Variants in TRPC7 observed in about 807,000 individuals in gnomAD.
TRPC7 encodes transient receptor potential cation channel subfamily C member 7.
In TRPC7, 42 loss-of-function variants were observed where a neutral mutation model predicts 90.1. That is an observed-to-expected ratio of 0.47 (90% confidence interval 0.36 to 0.60). TRPC7 has a LOEUF of 0.60. Ranked by LOEUF, TRPC7 falls within the 20% of genes least tolerant of loss-of-function variation. TRPC7 has a pLI of 0.00. For missense variants in TRPC7, 955 were observed against 1,112.3 expected, an observed-to-expected ratio of 0.86 and a Z score of 2.01; for synonymous variants, 451 against 436.3, an observed-to-expected ratio of 1.03 and a Z score of -0.42.
chr5:136,356,974 C>A lies in TRPC7; in HGVS notation c.414G>T (p.Thr138=), dbSNP rs753450293. 6.2e-7 allele frequency: 1 copy of A among 1,612,248 alleles called. No individual in the cohort carries two copies. Among genetic ancestry groups the A allele is most frequent in the Non-Finnish European group, 8.5e-7 (1 of 1,179,614 alleles). The change falls in exon 2 of 12, where the codon ACG becomes ACT. Residue 138 remains threonine, a synonymous_variant. Coordinates refer to ENST00000513104, the MANE Select transcript of TRPC7 (RefSeq NM_020389.3). ...HPAFAQGQRL[T]LSPLEQELRD... ...GCAGCTCCTGTTCCAGCGGGCTGAGCGTCAGGCGCTGGCCCTGCGCGAAGG... is the reference window on the plus strand; with the variant it reads ...GCAGCTCCTGTTCCAGCGGGCTGAGAGTCAGGCGCTGGCCCTGCGCGAAGG...
intron 3 of TRPC7, among the ~76,000 whole-genome samples, chr5:136,289,594 G>C (rs1757858916): frequency 6.6e-6 from 1 of 152,248 alleles, no homozygotes; most frequent in African/African-American, 2.4e-5. Flanking sequence ...TGAGGCTGGG[G>C]GAGGGGCGCC....
At chr5:136,352,649 C>G (rs1051344285) in intron 2 of TRPC7, among the ~76,000 whole-genome samples, 32 of 152,092 alleles carry the variant, frequency 2.1e-4, no homozygotes, top group Non-Finnish European at 5.9e-5. Flanking sequence ...CTGAGAAGTC[C>G]AGCTCACACC....
chr5:136,248,969 C>T (rs1756434742), intron 6 of TRPC7, among the ~76,000 whole-genome samples: 1 of 152,212 alleles, frequency 6.6e-6, no homozygotes, highest in African/African-American at 2.4e-5. Flanking sequence ...ACAATGAAAA[C>T]TGCCCTGCTG....
intron 3 of TRPC7, among the ~76,000 whole-genome samples, chr5:136,306,501 T>C (rs1758636054): frequency 6.6e-6 from 1 of 152,068 alleles, no homozygotes; most frequent in Non-Finnish European, 1.5e-5. Context: ...CCCCCAAAAA[T>C]TTTTGCCACC....
intron 3 of TRPC7, among the ~76,000 whole-genome samples, chr5:136,291,825 T>C (rs1430237796): frequency 6.6e-6 from 1 of 152,084 alleles, no homozygotes; most frequent in Non-Finnish European, 1.5e-5. Context: ...CCACCCCAAA[T>C]CAACAGAATA....
At chr5:136,286,567 T>C (rs1757726557) in intron 3 of TRPC7, among the ~76,000 whole-genome samples, 1 of 152,170 alleles carries the variant, frequency 6.6e-6, no homozygotes, top group Admixed American at 6.5e-5. Flanking sequence ...ATGTCTTCCA[T>C]CTCAGCCAAA....
intron 3 of TRPC7, among the ~76,000 whole-genome samples, chr5:136,301,151 C>T (rs930474209): frequency 3.3e-5 from 5 of 151,920 alleles, no homozygotes; most frequent in African/African-American, 7.3e-5. Flanking sequence ...CTCAGCCTCC[C>T]GAGTAGCTGG....
At chr5:136,279,232 A>G (rs776270028) in intron 3 of TRPC7, among the ~76,000 whole-genome samples, 7 of 152,048 alleles carry the variant, frequency 4.6e-5, no homozygotes, top group Non-Finnish European at 8.8e-5. Context: ...TACTTACACA[A>G]ATGACCTTAA....
chr5:136,232,593 A>G (rs1755851988), intron 7 of TRPC7, among the ~76,000 whole-genome samples: 1 of 152,234 alleles, frequency 6.6e-6, no homozygotes, highest in Admixed American at 6.5e-5. Context: ...AGTTCAGGTT[A>G]GTCTCAGCTT....
chr5:136,224,339 T>C (rs1174855337), intron 10 of TRPC7, among the ~76,000 whole-genome samples: 1 of 152,208 alleles, frequency 6.6e-6, no homozygotes, highest in Non-Finnish European at 1.5e-5. Flanking sequence ...CTGGCATTCA[T>C]TTCCAAAAGC....
At chr5:136,301,375 G>A (rs1580924753) in intron 3 of TRPC7, among the ~76,000 whole-genome samples, 1 of 104,410 alleles carries the variant, frequency 9.6e-6, no homozygotes, top group South Asian at 3.2e-4. Context: ...AATCATAGTT[G>A]TCAGGCCTCT....
At chr5:136,299,762 C>A (rs555818578) in intron 3 of TRPC7, among the ~76,000 whole-genome samples, 1 of 152,252 alleles carries the variant, frequency 6.6e-6, no homozygotes, top group African/African-American at 2.4e-5. Context: ...TTTCTAAGAT[C>A]TGTTTGACTT....
rs556816361 is a variant in TRPC7 at position 136,275,393 on chromosome 5, A to AG, written c.964-557_964-556insC. The stretch of plus-strand genomic sequence containing the variant: ...ATTAAATGACATTGTAAAAAAAAAA[A>AG]AAATCCCCTCTCTTTACCTATGTAG... On this transcript the variant is annotated intron_variant, in intron 3 of 11. Coordinates refer to ENST00000513104, the MANE Select transcript of TRPC7 (RefSeq NM_020389.3). Among the ~76,000 whole-genome samples, 202 of 152,286 alleles carry AG rather than the reference A, an allele frequency of 1.3e-3. 1 individual carries two copies. Among genetic ancestry groups the AG allele is most frequent in the African/African-American group, 4.7e-3 (197 of 41,560 alleles).
In TRPC7 at chr5:136,212,896, AC is replaced by A. The variant is rs1755138143; in HGVS notation, c.*538del. Among the ~76,000 whole-genome samples the A allele has an allele frequency of 6.6e-6, 1 of 152,140 alleles. No homozygotes were observed. Among genetic ancestry groups the A allele is most frequent in the Non-Finnish European group, 1.5e-5 (1 of 68,022 alleles). ...ACAGTTTTCAATTTAGGATTTTTAAACTTTTTTTTTATATAAACAAATAGAA... is the reference window on the plus strand; with the variant it reads ...ACAGTTTTCAATTTAGGATTTTTAAATTTTTTTTTATATAAACAAATAGAA... On this transcript the variant is annotated 3_prime_UTR_variant, in exon 12 of 12. Coordinates refer to ENST00000513104, the MANE Select transcript of TRPC7 (RefSeq NM_020389.3).
At chr5:136,264,836 C>T (rs1756972133) in intron 5 of TRPC7, among the ~76,000 whole-genome samples, 1 of 152,092 alleles carries the variant, frequency 6.6e-6, no homozygotes, top group South Asian at 2.1e-4. Flanking sequence ...CGTGATCCAC[C>T]CCCTTCGGCC....
chr5:136,228,070 T>A (rs977690924), intron 8 of TRPC7, among the ~76,000 whole-genome samples: 1 of 152,286 alleles, frequency 6.6e-6, no homozygotes, highest in South Asian at 2.1e-4. Context: ...TGGCCGATGA[T>A]GTGAACCCAG....
chr5:136,290,849 C>G (rs1757920140), intron 3 of TRPC7, among the ~76,000 whole-genome samples: 1 of 152,104 alleles, frequency 6.6e-6, no homozygotes, highest in African/African-American at 2.4e-5. Context: ...TCAGATTCAC[C>G]AAAGTTGAAA....
intron 7 of TRPC7, among the ~76,000 whole-genome samples, chr5:136,240,577 G>A (rs969484925): frequency 6.6e-6 from 1 of 152,182 alleles, no homozygotes; most frequent in Non-Finnish European, 1.5e-5. Flanking sequence ...CAAAATCGGA[G>A]TTAGTATGCT....
In TRPC7 at chr5:136,267,947, G is replaced by A. The variant is rs115408809; in HGVS notation, c.1129-1511C>T. On this transcript the variant is annotated intron_variant, in intron 4 of 11. Transcript: ENST00000513104. ...TTTATTACTTACAAAAATAGGGACT[G>A]TAGATTATTTTTGGCAATAGACAGA... is the stretch of plus-strand genomic sequence containing the variant. 2.0e-3 allele frequency among the ~76,000 whole-genome samples: 307 copies of A among 152,280 alleles called. 1 individual carries two copies. The highest frequency in any genetic ancestry group is 6.7e-3 in the African/African-American group (280 of 41,550).
Sources: allele counts gnomAD v4.1 joint callset (sites outside exome capture counted in the v4.1 genomes callset), GRCh38; gene constraint gnomAD v4.1.1; transcripts MANE v1.5; gene names NCBI Gene and HGNC (gene_info 2026-07-23, HGNC 2026-07-21).